The following VWA8 variants were observed in gnomAD, a reference collection of about 807,000 sequenced individuals.
VWA8 encodes von Willebrand factor A domain containing 8, also known as von Willebrand factor A domain-containing protein 8.
In VWA8, 221 loss-of-function variants were observed where a neutral mutation model predicts 241.5. The ratio of observed to expected loss-of-function variants is 0.91; its 90% CI spans 0.82 to 1.02. The LOEUF (loss-of-function observed/expected upper bound fraction) is 1.02. Ranked by LOEUF, VWA8 falls within the 50% of genes least tolerant of loss-of-function variation. VWA8 has a pLI of 0.00. For missense variants in VWA8, 2,322 were observed against 2,328.7 expected, an observed-to-expected ratio of 1.00 and a Z score of 0.06; for synonymous variants, 852 against 827.1, an observed-to-expected ratio of 1.03 and a Z score of -0.52.
rs141968770 is a variant in VWA8 at position 41,894,712 on chromosome 13, G to A, written c.484-3125C>T. 4.6e-3 allele frequency among the ~76,000 whole-genome samples: 695 copies of A among 152,264 alleles called. 4 individuals carry two copies. Among genetic ancestry groups the A allele is most frequent in the African/African-American group, 0.016 (665 of 41,548 alleles). On this transcript the variant is annotated intron_variant, in intron 4 of 44. Coordinates refer to ENST00000379310, the MANE Select transcript of VWA8 (RefSeq NM_015058.2). ...AAGTGAAAAATAATACAACACTGGA[G>A]AAACCTAGCAGATACCACCTTAATT...
intron 37 of VWA8, among the ~76,000 whole-genome samples, chr13:41,635,455 A>G (rs553078505): frequency 6.6e-6 from 1 of 152,188 alleles, no homozygotes; most frequent in African/African-American, 2.4e-5. Context: ...TTTAAAAACT[A>G]TGTCCATACG....
chr13:41,675,159 G>T, intron 36 of VWA8, 56 bp downstream of exon 36: 1 of 1,328,510 alleles, frequency 7.5e-7, no homozygotes, highest in Non-Finnish European at 1.1e-6. Context: ...TACTTAGCAA[G>T]AATTTACTCA....
chr13:41,879,851 T>A (rs949690801), intron 9 of VWA8, among the ~76,000 whole-genome samples: 2 of 152,188 alleles, frequency 1.3e-5, no homozygotes, highest in African/African-American at 4.8e-5. Flanking sequence ...CTCCAGAAAC[T>A]GAAGGTTCTA....
In VWA8 at chr13:41,869,985, C is replaced by T. The variant is rs1037478950; in HGVS notation, c.1081-1508G>A. Among the ~76,000 whole-genome samples the T allele has an allele frequency of 7.2e-5, 11 of 152,114 alleles. No homozygotes were observed. In the East Asian group the frequency reaches 1.4e-3, roughly 19 times the overall value. On this transcript the variant is annotated intron_variant, in intron 9 of 44. Coordinates refer to ENST00000379310, the MANE Select transcript of VWA8 (RefSeq NM_015058.2). The stretch of plus-strand genomic sequence containing the variant: ...ATGTATTCAGCAGAATGAAAGAACT[C>T]CAGAAAATAGATTTGGGAGGAAGAA...
At chr13:41,571,497 C>T (rs961846848) in intron 43 of VWA8, among the ~76,000 whole-genome samples, 7 of 152,074 alleles carry the variant, frequency 4.6e-5, no homozygotes, top group South Asian at 4.2e-4. Context: ...TGCAGGTGCC[C>T]GCCGCCACAC....
At chr13:41,841,817 A>T (rs1327322178) in intron 12 of VWA8, among the ~76,000 whole-genome samples, 24 of 22,324 alleles carry the variant, frequency 1.1e-3, no homozygotes, top group African/African-American at 2.8e-3. Flanking sequence ...AAAAAAAAAA[A>T]AAAATATATA....
At chr13:41,675,725 T>A (rs1232335484) in intron 35 of VWA8, among the ~76,000 whole-genome samples, 1 of 152,184 alleles carries the variant, frequency 6.6e-6, no homozygotes, top group African/African-American at 2.4e-5. Context: ...GGTCAAGTTA[T>A]TGACCTCTCT....
At chr13:41,587,720 C>T (rs2044428544) in intron 41 of VWA8, 50 bp from the exon 42 acceptor site, 2 of 1,605,204 alleles carry the variant, frequency 1.2e-6, no homozygotes, top group South Asian at 1.1e-5. Flanking sequence ...CAAACTTCCC[C>T]TGGTGGCTGT....
chr13:41,845,921 A>G (rs1464102398), intron 12 of VWA8, among the ~76,000 whole-genome samples: 1 of 152,208 alleles, frequency 6.6e-6, no homozygotes, highest in East Asian at 1.9e-4. Context: ...CCCCAAACCA[A>G]CAGCATAACA....
rs562003765 is a variant in VWA8 at position 41,810,142 on chromosome 13, T to C, written c.2063+1083A>G. ...TGAAGAAAAGGGAACCCTTGTACAC[T>C]GTGGGTGGAAATGTAAATTAGTATA... On this transcript the variant is annotated intron_variant, in intron 17 of 44. Transcript: ENST00000379310. Among the ~76,000 whole-genome samples the C allele has an allele frequency of 5.9e-5, 9 of 152,186 alleles. No individual in the cohort carries two copies. In the South Asian group the frequency reaches 1.9e-3, roughly 32 times the overall value.
At chr13:41,685,375 G>T in intron 34 of VWA8, 133 bp from the exon 35 acceptor site, 1 of 893,170 alleles carries the variant, frequency 1.1e-6, no homozygotes, top group Non-Finnish European at 1.6e-6. Context: ...CAAATTATTG[G>T]CTGGGTACAG....
intron 2 of VWA8, among the ~76,000 whole-genome samples, chr13:41,932,040 A>T (rs1337915166): frequency 6.6e-6 from 1 of 152,178 alleles, no homozygotes. Flanking sequence ...GAGACTAACA[A>T]TAAAATTGAC....
At chr13:41,947,025 T>C (rs1752904008) in intron 2 of VWA8, among the ~76,000 whole-genome samples, 1 of 152,176 alleles carries the variant, frequency 6.6e-6, no homozygotes, top group Admixed American at 6.5e-5. Flanking sequence ...TTTTGTTAGG[T>C]TGGCTTAGCC....
intron 14 of VWA8, among the ~76,000 whole-genome samples, chr13:41,820,628 T>C (rs185429643): frequency 1.3e-3 from 192 of 152,294 alleles, no homozygotes; most frequent in African/African-American, 4.5e-3. Flanking sequence ...TTTGCAGGTG[T>C]TTTAGCAGGG....
At chr13:41,891,692 C>A (rs116444606) in intron 4 of VWA8, 105 bp from the exon 5 acceptor site, 3 of 1,213,622 alleles carry the variant, frequency 2.5e-6, no homozygotes, top group South Asian at 1.5e-5. Flanking sequence ...GTTATAGGGA[C>A]CAGAAATCAA....
intron 37 of VWA8, among the ~76,000 whole-genome samples, chr13:41,651,671 T>C (rs2139688244): frequency 6.6e-6 from 1 of 152,314 alleles, no homozygotes; most frequent in Non-Finnish European, 1.5e-5. Context: ...TGCCATGAAA[T>C]ATAATTATTT....
At chr13:41,593,614 G>C (rs1038999227) in intron 40 of VWA8, among the ~76,000 whole-genome samples, 4 of 152,154 alleles carry the variant, frequency 2.6e-5, no homozygotes, top group African/African-American at 9.7e-5. Context: ...CTGTTCTCTA[G>C]TGTGGATAAT....
chr13:41,694,207 T>C (rs554502773), intron 29 of VWA8, among the ~76,000 whole-genome samples: 1 of 152,120 alleles, frequency 6.6e-6, no homozygotes, highest in Admixed American at 6.5e-5. Context: ...AAAAAATGAA[T>C]GATTCATCTG....
intron 2 of VWA8, among the ~76,000 whole-genome samples, chr13:41,933,187 T>G (rs891106826): frequency 2.6e-5 from 4 of 151,978 alleles, no homozygotes; most frequent in Admixed American, 2.6e-4. Flanking sequence ...ACTTCTATGT[T>G]TAAGTTAAAA....
Sources: allele counts gnomAD v4.1 joint callset (sites outside exome capture counted in the v4.1 genomes callset), GRCh38; gene constraint gnomAD v4.1.1; transcripts MANE v1.5; gene names NCBI Gene and HGNC (gene_info 2026-07-23, HGNC 2026-07-21).